ATP2B4: variants seen among roughly 807,000 people sequenced by gnomAD.
The protein encoded by ATP2B4 is ATPase plasma membrane Ca2+ transporting 4.
ATP2B4 carries 39 observed loss-of-function variants against 110.3 expected under a neutral mutation model. The ratio of observed to expected loss-of-function variants is 0.35; its 90% confidence interval spans 0.27 to 0.46. The LOEUF (loss-of-function observed/expected upper bound fraction) is 0.46. Ranked by LOEUF, ATP2B4 falls within the 20% of genes least tolerant of loss-of-function variation. The pLI is 1.00. For synonymous variants in ATP2B4, 538 were observed against 571.7 expected (o/e 0.94, Z 0.84); for missense variants, 1,135 against 1,530.9 (o/e 0.74, Z 4.32).
At chr1:203,709,692 G>A (rs1018638834) in intron 11 of ATP2B4, 150 bp downstream of exon 11, 23 of 1,308,726 alleles carry the variant, frequency 1.8e-5, no homozygotes, top group African/African-American at 1.0e-4. Flanking sequence ...CTCAGGCCAC[G>A]CATGTTTTTT....
intron 2 of ATP2B4, among the ~76,000 whole-genome samples, chr1:203,694,530 T>C (rs1665476173): frequency 6.6e-6 from 1 of 152,132 alleles, no homozygotes; most frequent in Admixed American, 6.5e-5. Flanking sequence ...GATGCCTGTC[T>C]AGTGCGTTTA....
chr1:203,731,447 C>A (rs1177333096), intron 20 of ATP2B4, among the ~76,000 whole-genome samples: 1 of 152,088 alleles, frequency 6.6e-6, no homozygotes, highest in Non-Finnish European at 1.5e-5. Context: ...ATTATTCTAC[C>A]AGATTCATGA....
chr1:203,724,013 T>A, intron 19 of ATP2B4, 25 bp downstream of exon 19: 7 of 1,582,462 alleles, frequency 4.4e-6, no homozygotes, highest in Non-Finnish European at 6.0e-6. Context: ...ACCCTCCTGG[T>A]GCATTCTCAC....
At chr1:203,727,670 C>T in intron 20 of ATP2B4, 99 bp downstream of exon 20, 6 of 1,444,100 alleles carry the variant, frequency 4.2e-6, no homozygotes, top group Non-Finnish European at 3.8e-6. Context: ...CATCTCTTCC[C>T]TTCCAAAGGC....
chr1:203,630,663 T>TC (rs1663240342), intron 1 of ATP2B4, among the ~76,000 whole-genome samples: 1 of 152,152 alleles, frequency 6.6e-6, no homozygotes, highest in South Asian at 2.1e-4. Flanking sequence ...TCTGAATTCT[T>TC]CCCCCGAAGG....
Position 203,715,436 on chromosome 1 carries a change from C to T in ATP2B4, c.2406+1159C>T, listed in dbSNP as rs150062269. 1.2e-3 allele frequency among the ~76,000 whole-genome samples: 167 copies of T among 142,786 alleles called. 17 individuals are homozygous for T. The highest frequency in any genetic ancestry group is 3.9e-3 in the African/African-American group (152 of 39,088). The allele number at this position is 142,786 out of a possible 152,430, so 93.7% of individuals were successfully genotyped here. ...GGCATGATGGTAGGCGCCTGTAATC[C>T]TAGCTACTCCGGAGGCTGAGGCAGG... is the stretch of plus-strand genomic sequence containing the variant. On this transcript the variant is annotated intron_variant, in intron 15 of 20. Coordinates refer to ENST00000357681, the MANE Select transcript of ATP2B4 (RefSeq NM_001684.5).
chr1:203,694,549 C>T (rs535523141), intron 2 of ATP2B4, among the ~76,000 whole-genome samples: 1 of 152,216 alleles, frequency 6.6e-6, no homozygotes, highest in South Asian at 2.1e-4. Flanking sequence ...TAGAGAACAG[C>T]AGGCAGGCTG....
At chr1:203,634,592 A>G (rs1219432465) in intron 1 of ATP2B4, among the ~76,000 whole-genome samples, 1 of 152,222 alleles carries the variant, frequency 6.6e-6, no homozygotes, top group Non-Finnish European at 1.5e-5. Flanking sequence ...GATTGGTCTT[A>G]GCATATCTTA....
chr1:203,686,615 A>G (rs7554335), intron 2 of ATP2B4, among the ~76,000 whole-genome samples: 124,871 of 149,614 alleles, frequency 0.83, 52,885 homozygotes, highest in East Asian at 1. Context: ...CACTGGCACA[A>G]TTTTCTACTG....
chr1:203,645,836 G>A (rs995000290), intron 1 of ATP2B4, among the ~76,000 whole-genome samples: 10 of 152,092 alleles, frequency 6.6e-5, no homozygotes, highest in South Asian at 4.2e-4. Flanking sequence ...TGATCCATCT[G>A]CCTCAGCCTC....
At chr1:203,700,999 G>A in intron 6 of ATP2B4, 76 bp downstream of exon 6, 1 of 1,515,006 alleles carries the variant, frequency 6.6e-7, no homozygotes, top group Non-Finnish European at 8.9e-7. Flanking sequence ...AGCAGATCTG[G>A]ATAGAAAGCA....
intron 1 of ATP2B4, among the ~76,000 whole-genome samples, chr1:203,640,811 C>T (rs979179996): frequency 1.3e-5 from 2 of 152,204 alleles, no homozygotes; most frequent in African/African-American, 2.4e-5. Flanking sequence ...GGCTAAGATG[C>T]ACCCTTAGTT....
rs1380495737 is a variant in ATP2B4, at chr1:203,743,296, G to A, written c.*3442G>A. On this transcript the variant is annotated 3_prime_UTR_variant, in exon 21 of 21. Transcript: ENST00000357681. The stretch of plus-strand genomic sequence containing the variant: ...GCCCGTGGTACCATCACAGTATGCA[G>A]AGACTTCCTCACCTTTCATATCTAG... 6.6e-6 allele frequency: 1 copy of A among 152,638 alleles called. No individual in the cohort carries two copies. 9.5% of individuals were successfully genotyped at this position (152,638 alleles called of 1,614,324 possible).
At chr1:203,691,806 T>G (rs984750600) in intron 2 of ATP2B4, among the ~76,000 whole-genome samples, 6 of 152,172 alleles carry the variant, frequency 3.9e-5, no homozygotes, top group African/African-American at 1.4e-4. Flanking sequence ...AGATCTTGCA[T>G]GGCCCTATTT....
In ATP2B4 at chr1:203,683,211, G is replaced by A. The variant is rs779076905; in HGVS notation, c.6G>A (p.Thr2=). Residue 2 remains threonine (T), a synonymous_variant, in exon 2 of 21, where the codon ACG becomes ACA. Transcript: ENST00000357681. Reference sequence around the variant, plus strand: ...GCTTGGTAACAGCAGGCAAAATGACGAACCCATCAGACCGTGTCTTGCCTG... The same window carrying A: ...GCTTGGTAACAGCAGGCAAAATGACAAACCCATCAGACCGTGTCTTGCCTG... The part of the protein sequence containing the change: M[T]NPSDRVLPAN... 8.7e-6 allele frequency: 14 copies of A among 1,613,342 alleles called. No homozygotes were observed. The highest frequency in any genetic ancestry group is 5.5e-5 in the South Asian group (5 of 90,996).
chr1:203,733,379 G>GT, intron 20 of ATP2B4: 1 of 1,613,846 alleles, frequency 6.2e-7, no homozygotes, highest in Non-Finnish European at 8.5e-7. Flanking sequence ...TGTTCCTGCT[G>GT]TTTCATCTCC....
chr1:203,653,736 T>C (rs1277919909), intron 1 of ATP2B4, among the ~76,000 whole-genome samples: 4 of 152,094 alleles, frequency 2.6e-5, no homozygotes, highest in Admixed American at 2.6e-4. Context: ...TTTATATTTT[T>C]AGTAGAGACG....
At chr1:203,656,354 T>A (rs1664163923) in intron 1 of ATP2B4, among the ~76,000 whole-genome samples, 1 of 152,168 alleles carries the variant, frequency 6.6e-6, no homozygotes, top group Admixed American at 6.5e-5. Context: ...ACTTTAGTAT[T>A]TTTTTTCATT....
In ATP2B4 at chr1:203,743,896, T is replaced by A. The variant is rs1667039842; in HGVS notation, c.*4042T>A. On this transcript the variant is annotated 3_prime_UTR_variant, in exon 21 of 21. Transcript: ENST00000357681. Reference sequence around the variant, plus strand: ...GTACAAGGTTTTGCATGTATTTATATGGTTCTTAGGGAAAAAAAATGCTAT... The same window carrying A: ...GTACAAGGTTTTGCATGTATTTATAAGGTTCTTAGGGAAAAAAAATGCTAT... 6.6e-6 allele frequency: 1 copy of A among 152,596 alleles called. No individual in the cohort carries two copies. The highest frequency in any genetic ancestry group is 1.5e-5 in the Non-Finnish European group (1 of 68,044). The allele number at this position is 152,596 out of a possible 1,614,324, so 9.5% of individuals were successfully genotyped here.
Sources: gnomAD v4.1 joint callset for allele counts (sites outside exome capture counted in the v4.1 genomes callset) on GRCh38, gnomAD v4.1.1 for gene constraint, MANE v1.5 for transcripts, NCBI Gene and HGNC (gene_info 2026-07-23, HGNC 2026-07-21) for gene names.